The following HACE1 variants were observed in gnomAD, a reference collection of about 807,000 sequenced individuals.
The protein encoded by HACE1 is HECT domain and ankyrin repeat containing E3 ubiquitin protein ligase 1, also known as E3 ubiquitin-protein ligase HACE1.
Under a neutral mutation model 118.4 loss-of-function variants are expected in HACE1, and 73 were observed. The ratio of observed to expected loss-of-function variants is 0.62; its 90% confidence interval spans 0.51 to 0.75. The LOEUF (loss-of-function observed/expected upper bound fraction) is 0.75. Ranked by LOEUF, HACE1 falls within the 30% of genes least tolerant of loss-of-function variation. The pLI is 0.00. For missense variants in HACE1, 749 were observed against 1,102.2 expected, an observed-to-expected ratio of 0.68 and a Z score of 4.54; for synonymous variants, 368 against 374.8, an observed-to-expected ratio of 0.98 and a Z score of 0.21.
rs558585429 is a variant in HACE1 at position 104,848,760 on chromosome 6, A to T, written c.326+382T>A. ...TGAGCCATGGAGTTAGGAGTGGCAA[A>T]AGATTAGCAGAAAAAAAGCACACTA... On this transcript the variant is annotated intron_variant, in intron 4 of 23. Transcript: ENST00000262903. Among the ~76,000 whole-genome samples, 11 of 152,294 alleles carry T rather than the reference A, an allele frequency of 7.2e-5. No individual in the cohort carries two copies. In the East Asian group the frequency reaches 1.9e-3, roughly 27 times the overall value.
chr6:104,788,128 A>G (rs1782636108), intron 11 of HACE1, among the ~76,000 whole-genome samples: 2 of 152,118 alleles, frequency 1.3e-5, no homozygotes, highest in South Asian at 4.1e-4. Flanking sequence ...GGATTCAAAT[A>G]AATTTTAAAA....
At chr6:104,743,401 T>C (rs1777048264) in intron 22 of HACE1, among the ~76,000 whole-genome samples, 1 of 151,836 alleles carries the variant, frequency 6.6e-6, no homozygotes, top group Non-Finnish European at 1.5e-5. Flanking sequence ...TAGAAGAAAA[T>C]ATATTAAATT....
Position 104,730,344 on chromosome 6 carries a change from A to G in HACE1, c.2586T>C (p.Ala862=). 6.3e-7 allele frequency: 1 copy of G among 1,598,302 alleles called. No homozygotes were observed. The highest frequency in any genetic ancestry group is 2.2e-5 in the East Asian group (1 of 44,808). The change falls in exon 23 of 24, where the codon GCT becomes GCC. Residue 862 remains alanine (A), a synonymous_variant. Transcript: ENST00000262903. ...GSGLQNFTIA[A]VPYTPNLLPT... is the part of the protein sequence containing the mutation. ...GTAAAAGATTTGGAGTATATGGCAC[A>G]GCAGCGATTGTAAAGTTTTGCAATC...
chr6:104,844,344 A>AT (rs374033174), intron 4 of HACE1, among the ~76,000 whole-genome samples: 3,152 of 119,866 alleles, frequency 0.026, 133 homozygotes, highest in African/African-American at 0.092. Context: ...CATCATAAAC[A>AT]TTTTTTTTTT....
At chr6:104,816,895 C>T (rs924568067) in intron 6 of HACE1, among the ~76,000 whole-genome samples, 2 of 152,158 alleles carry the variant, frequency 1.3e-5, no homozygotes, top group African/African-American at 2.4e-5. Context: ...ACGGAGTCAA[C>T]GGAAATTATT....
intron 19 of HACE1, among the ~76,000 whole-genome samples, chr6:104,760,855 G>T (rs1779278838): frequency 6.6e-6 from 1 of 152,062 alleles, no homozygotes; most frequent in Non-Finnish European, 1.5e-5. Flanking sequence ...AAAGTCTCAG[G>T]ATACAAAATC....
At chr6:104,736,253 A>G (rs780411257) in intron 22 of HACE1, among the ~76,000 whole-genome samples, 19 of 151,582 alleles carry the variant, frequency 1.3e-4, no homozygotes, top group Non-Finnish European at 2.8e-4. Flanking sequence ...TAACCTGTTA[A>G]TAGTTATGTC....
intron 22 of HACE1, among the ~76,000 whole-genome samples, chr6:104,737,496 C>G (rs7767985): frequency 2.6e-5 from 4 of 152,176 alleles, no homozygotes; most frequent in Admixed American, 6.5e-5. Flanking sequence ...CGAAGCAGGG[C>G]GAGGCATTGC....
At chr6:104,731,016 C>T (rs1471374416) in intron 22 of HACE1, 1 of 158,148 alleles carries the variant, frequency 6.3e-6, no homozygotes, top group African/African-American at 2.4e-5. Context: ...CAAACATCAT[C>T]TAACATAATG....
At chr6:104,798,534 G>A (rs1001087228) in intron 7 of HACE1, among the ~76,000 whole-genome samples, 2 of 151,892 alleles carry the variant, frequency 1.3e-5, no homozygotes, top group Admixed American at 1.3e-4. Context: ...CCTAACTTAA[G>A]AATAATATCT....
At chr6:104,857,777 G>A (rs1455226256) in intron 1 of HACE1, among the ~76,000 whole-genome samples, 1 of 152,004 alleles carries the variant, frequency 6.6e-6, no homozygotes, top group Non-Finnish European at 1.5e-5. Context: ...CTAACACGGT[G>A]AAACCCCGTC....
intron 4 of HACE1, among the ~76,000 whole-genome samples, chr6:104,846,929 A>C (rs1200500776): frequency 6.6e-6 from 1 of 152,232 alleles, no homozygotes; most frequent in Admixed American, 6.5e-5. Flanking sequence ...CATCCAAATT[A>C]AAGAGAGGGT....
chr6:104,836,539 C>A (rs897417687), intron 5 of HACE1, among the ~76,000 whole-genome samples: 1 of 152,004 alleles, frequency 6.6e-6, no homozygotes, highest in East Asian at 1.9e-4. Context: ...AAGGTGTAAC[C>A]CCGTCTCTAT....
chr6:104,842,687 G>A (rs1447533591), intron 5 of HACE1, among the ~76,000 whole-genome samples: 1 of 152,108 alleles, frequency 6.6e-6, no homozygotes, highest in East Asian at 1.9e-4. Context: ...AAGGCTAGGG[G>A]AATAAGCTTC....
intron 9 of HACE1, 145 bp downstream of exon 9, chr6:104,796,510 T>G: frequency 1.5e-6 from 1 of 683,030 alleles, no homozygotes; most frequent in Non-Finnish European, 2.6e-6. Flanking sequence ...TAATTCACAC[T>G]TATCCTATAA....
chr6:104,758,456 AT>A (rs1778964596), intron 19 of HACE1, among the ~76,000 whole-genome samples: 2 of 152,180 alleles, frequency 1.3e-5, no homozygotes, highest in African/African-American at 4.8e-5. Flanking sequence ...ACTAAGCTTC[AT>A]AAGTGAAAGA....
At chr6:104,784,312 G>A in intron 13 of HACE1, 105 bp downstream of exon 13, 1 of 904,774 alleles carries the variant, frequency 1.1e-6, no homozygotes. Flanking sequence ...TTGTTATTGA[G>A]CATATTTTGA....
chr6:104,736,755 G>A (rs191471956), intron 22 of HACE1, among the ~76,000 whole-genome samples: 3 of 152,000 alleles, frequency 2.0e-5, no homozygotes, highest in Non-Finnish European at 4.4e-5. Flanking sequence ...CAAACTGCAA[G>A]AGAAGTACCT....
At chr6:104,829,201 C>T (rs1013493108) in intron 6 of HACE1, among the ~76,000 whole-genome samples, 6 of 152,128 alleles carry the variant, frequency 3.9e-5, no homozygotes, top group Non-Finnish European at 7.4e-5. Context: ...TGACTTGCCA[C>T]TGAGTCACTA....
Sources: gnomAD v4.1 joint callset for allele counts (sites outside exome capture counted in the v4.1 genomes callset) on GRCh38, gnomAD v4.1.1 for gene constraint, MANE v1.5 for transcripts, NCBI Gene and HGNC (gene_info 2026-07-23, HGNC 2026-07-21) for gene names.